Variants in RFX7 observed in about 807,000 individuals in gnomAD.
RFX7 encodes the protein DNA-binding protein RFX7.
In RFX7, 26 loss-of-function variants were observed where a neutral mutation model predicts 111.8. That is an observed-to-expected ratio of 0.23 (90% CI 0.17 to 0.32). RFX7 has a LOEUF of 0.32. Among genes scored for constraint, RFX7 ranks in the 10% least tolerant of loss-of-function variants. RFX7 has a pLI of 1.00. For synonymous variants in RFX7, 624 were observed against 624.4 expected, an observed-to-expected ratio of 1.00 and a Z score of 0.01; for missense variants, 1,573 against 1,772.9, an observed-to-expected ratio of 0.89 and a Z score of 2.02.
At chr15:56,151,601 A>C (rs528669213) in intron 3 of RFX7, among the ~76,000 whole-genome samples, 24 of 152,324 alleles carry the variant, frequency 1.6e-4, no homozygotes, top group African/African-American at 5.1e-4. Context: ...GCCACTGCAA[A>C]AACATACCAA....
chr15:56,146,009 T>C (rs1219234586), intron 3 of RFX7, among the ~76,000 whole-genome samples: 1 of 152,186 alleles, frequency 6.6e-6, no homozygotes, highest in Non-Finnish European at 1.5e-5. Flanking sequence ...TTAATGACAC[T>C]TAAATTTCTA....
At chr15:56,219,805 G>C (rs898414115) in intron 2 of RFX7, among the ~76,000 whole-genome samples, 5 of 152,142 alleles carry the variant, frequency 3.3e-5, no homozygotes, top group African/African-American at 1.2e-4. Context: ...TTGTTATTGT[G>C]AATAGTGCTG....
intron 5 of RFX7, among the ~76,000 whole-genome samples, chr15:56,107,695 C>G (rs2041850283): frequency 6.6e-6 from 1 of 152,078 alleles, no homozygotes; most frequent in Non-Finnish European, 1.5e-5. Context: ...CAGAGAGGTG[C>G]ACTAATCCCT....
intron 5 of RFX7, among the ~76,000 whole-genome samples, chr15:56,118,892 C>G (rs2042041535): frequency 6.6e-6 from 1 of 151,950 alleles, no homozygotes; most frequent in Non-Finnish European, 1.5e-5. Flanking sequence ...GTCATTTGAA[C>G]TGGGGTGAGA....
rs1382377281 is a variant in RFX7, at chr15:56,156,655, T to G, written c.196-12172A>C. On this transcript the variant is annotated intron_variant, in intron 3 of 9. Transcript: ENST00000559447. ...TCAACCTTATTGGATATTTTCAAAT[T>G]GCTCTCTAAAACTTATACCAATTTA... is the stretch of plus-strand genomic sequence containing the variant. Among the ~76,000 whole-genome samples, 5 of 151,042 alleles carry G rather than the reference T, an allele frequency of 3.3e-5. No homozygotes were observed. In the East Asian group the frequency reaches 9.6e-4, roughly 29 times the overall value.
At position 56,096,460 on chromosome 15, in the gene RFX7, C is replaced by T. The variant is rs749769552; in HGVS notation, c.1268G>A (p.Arg423His). ...CTGAGGGTAACGGTGCCGGGCAGAACGATCCCCACCAGGACTGGCTGGAAC... is the reference window on the plus strand; with the variant it reads ...CTGAGGGTAACGGTGCCGGGCAGAATGATCCCCACCAGGACTGGCTGGAAC... ...QNVPASPGGD[R>H]SARHRYPQIL... is the part of the protein sequence containing the mutation. The change falls in exon 10 of 10, where the codon CGT (arginine) becomes CAT (histidine). Residue 423 changes from arginine to histidine, a missense_variant. By Grantham distance (29) the Arg-to-His change is conservative. This residue lies in a region of RFX7 where 288 missense variants were observed against 337.9 expected (regional missense o/e 0.85). Coordinates refer to ENST00000559447, the MANE Select transcript of RFX7 (RefSeq NM_022841.7). 1.1e-5 allele frequency: 18 copies of T among 1,611,966 alleles called. No homozygotes were observed. The highest frequency in any genetic ancestry group is 2.2e-5 in the East Asian group (1 of 44,842).
At chr15:56,107,291 C>T (rs1292637994) in intron 5 of RFX7, among the ~76,000 whole-genome samples, 2 of 75,724 alleles carry the variant, frequency 2.6e-5, no homozygotes, top group South Asian at 5.6e-4. Flanking sequence ...AGCAAGACTC[C>T]GTCTCAAAAA....
At chr15:56,154,849 T>C (rs1459530999) in intron 3 of RFX7, among the ~76,000 whole-genome samples, 1 of 152,050 alleles carries the variant, frequency 6.6e-6, no homozygotes, top group Non-Finnish European at 1.5e-5. Context: ...ACAGGCAACC[T>C]ACAGAATGGG....
At chr15:56,197,782 G>C (rs1369497760) in intron 2 of RFX7, among the ~76,000 whole-genome samples, 1 of 152,076 alleles carries the variant, frequency 6.6e-6, no homozygotes, top group African/African-American at 2.4e-5. Flanking sequence ...GAAGTCAAAG[G>C]GTATTAAAAC....
intron 2 of RFX7, among the ~76,000 whole-genome samples, chr15:56,201,803 G>A (rs897009628): frequency 1.8e-4 from 27 of 152,130 alleles, no homozygotes; most frequent in African/African-American, 6.0e-4. Context: ...GGCCGAGATG[G>A]GCAGATCACG....
chr15:56,141,102 T>C (rs144996361), intron 5 of RFX7, among the ~76,000 whole-genome samples: 25 of 152,332 alleles, frequency 1.6e-4, no homozygotes, highest in African/African-American at 6.0e-4. Context: ...TCCTTTAACA[T>C]TCCCTACTTG....
rs569923483 is a variant in RFX7, at chr15:56,149,444, A to C, written c.196-4961T>G. Among the ~76,000 whole-genome samples, 7 of 152,298 alleles carry C rather than the reference A, an allele frequency of 4.6e-5. No individual in the cohort carries two copies. In the South Asian group the frequency reaches 1.5e-3, roughly 32 times the overall value. ...ACAGACAGGAACAGCACCGGTCTGC[A>C]ATTCCCAGCGAGATTGATGCAGAAG... On this transcript the variant is annotated intron_variant, in intron 3 of 9. Transcript: ENST00000559447.
chr15:56,149,603 G>A (rs1441727521), intron 3 of RFX7, among the ~76,000 whole-genome samples: 4 of 152,116 alleles, frequency 2.6e-5, no homozygotes, highest in East Asian at 1.9e-4. Flanking sequence ...ACAAGGTGTC[G>A]GGGAATTTTC....
intron 3 of RFX7, among the ~76,000 whole-genome samples, chr15:56,150,967 A>G (rs2042561570): frequency 6.6e-6 from 1 of 152,114 alleles, no homozygotes; most frequent in African/African-American, 2.4e-5. Flanking sequence ...AAAGGATATC[A>G]GCTGAAGATC....
At chr15:56,210,962 AT>A (rs1271501004) in intron 2 of RFX7, among the ~76,000 whole-genome samples, 2 of 152,212 alleles carry the variant, frequency 1.3e-5, no homozygotes, top group South Asian at 2.1e-4. Flanking sequence ...ATCACTACAG[AT>A]CCCCTGGCAT....
At chr15:56,184,416 A>G (rs1296035326) in intron 2 of RFX7, among the ~76,000 whole-genome samples, 2 of 151,790 alleles carry the variant, frequency 1.3e-5, no homozygotes, top group Non-Finnish European at 2.9e-5. Flanking sequence ...TCCAATCTTT[A>G]TGTCTCTTTC....
chr15:56,235,752 G>A (rs1440450722), intron 2 of RFX7, among the ~76,000 whole-genome samples: 1 of 152,136 alleles, frequency 6.6e-6, no homozygotes, highest in African/African-American at 2.4e-5. Context: ...TAATCAATCA[G>A]ACTTAGCATG....
At chr15:56,200,554 A>G (rs1241111003) in intron 2 of RFX7, among the ~76,000 whole-genome samples, 1 of 152,112 alleles carries the variant, frequency 6.6e-6, no homozygotes, top group Non-Finnish European at 1.5e-5. Context: ...TAATCCCAGC[A>G]CTTTGGGAGG....
chr15:56,231,357 C>T (rs1482040097), intron 2 of RFX7, among the ~76,000 whole-genome samples: 1 of 152,096 alleles, frequency 6.6e-6, no homozygotes, highest in Non-Finnish European at 1.5e-5. Context: ...ACTCACAGTT[C>T]CACATGGCTG....
Sources: gnomAD v4.1 joint callset for allele counts (sites outside exome capture counted in the v4.1 genomes callset) on GRCh38, gnomAD v4.1.1 for gene constraint, gnomAD v4.1.1 regional missense constraint, MANE v1.5 for transcripts, NCBI Gene and HGNC (gene_info 2026-07-23, HGNC 2026-07-21) for gene names.